KCNH8: variants seen among roughly 807,000 people sequenced by gnomAD.
KCNH8 encodes the protein potassium voltage-gated channel subfamily H member 8, also known as voltage-gated delayed rectifier potassium channel KCNH8.
Under a neutral mutation model 103.6 loss-of-function variants are expected in KCNH8, and 70 were observed. That is an observed-to-expected ratio of 0.68 (90% confidence interval 0.56 to 0.82). The LOEUF is 0.82. Among genes scored for constraint, KCNH8 ranks in the 40% least tolerant of loss-of-function variants. The pLI, the probability that KCNH8 is intolerant of heterozygous loss-of-function variation, is 0.00. For synonymous variants in KCNH8, 498 were observed against 489.4 expected, an observed-to-expected ratio of 1.02 and a Z score of -0.23; for missense variants, 1,217 against 1,329.9, an observed-to-expected ratio of 0.92 and a Z score of 1.32.
At position 19,518,004 on chromosome 3, in the gene KCNH8, A is replaced by C. The variant is rs1445598824; in HGVS notation, c.2549A>C (p.Glu850Ala). ...TATGTGTGTCACTTTTCAGATCCAG[A>C]GATTGGAGCTGCTGTTCTCTTCATC... ...PRISPPLGDP[E>A]IGAAVLFIKA... The change falls in exon 15 of 16, where the codon GAG becomes GCG. Residue 850 changes from glutamate (E) to alanine (A), a missense_variant. Around this residue, in one of 3 missense-constraint regions of KCNH8, gnomAD observed 558 missense variants for 495.8 expected, o/e 1.13. Transcript: ENST00000328405. The C allele has an allele frequency of 1.2e-5, 19 of 1,611,772 alleles. No homozygotes were observed. The highest frequency in any genetic ancestry group is 1.6e-5 in the Non-Finnish European group (19 of 1,178,518).
At chr3:19,402,467 A>G (rs1026897813) in intron 7 of KCNH8, among the ~76,000 whole-genome samples, 1 of 151,916 alleles carries the variant, frequency 6.6e-6, no homozygotes, top group Non-Finnish European at 1.5e-5. Flanking sequence ...GAGCGTAAAT[A>G]AGAGTATATG....
Position 19,533,473 on chromosome 3 carries a change from T to C in KCNH8, c.2698T>C (p.Ser900Pro), listed in dbSNP as rs201196698. Residue 900 changes from serine to proline, a missense_variant, in exon 16 of 16, where the codon TCA (serine) becomes CCA (proline). Physicochemically the swap from Ser to Pro is moderately conservative, Grantham distance 74 (BLOSUM62 -1). This residue lies in a region of KCNH8 where 558 missense variants were observed against 495.8 expected (regional missense o/e 1.13). Coordinates refer to ENST00000328405, the MANE Select transcript of KCNH8 (RefSeq NM_144633.3). ...GATCCAGCTTCTGGAAAACGTTCTG[T>C]CACCTCAGCAGCCATCACGGTTTTG... ...NVIQLLENVL[S>P]PQQPSRFCSL... The C allele has an allele frequency of 3.5e-5, 57 of 1,614,028 alleles. No individual in the cohort carries two copies. The highest frequency in any genetic ancestry group is 4.3e-5 in the Non-Finnish European group (51 of 1,180,028).
intron 7 of KCNH8, among the ~76,000 whole-genome samples, chr3:19,400,881 GA>G (rs2066603048): frequency 6.6e-6 from 1 of 151,882 alleles, no homozygotes; most frequent in African/African-American, 2.4e-5. Context: ...TTTTCCTAAA[GA>G]AGGTTGAATT....
At chr3:19,421,860 G>A (rs1241051155) in intron 7 of KCNH8, among the ~76,000 whole-genome samples, 1 of 152,024 alleles carries the variant, frequency 6.6e-6, no homozygotes, top group African/African-American at 2.4e-5. Flanking sequence ...CCTAAAGAAT[G>A]TATAATCTCA....
At chr3:19,179,677 G>C (rs1336392062) in intron 1 of KCNH8, among the ~76,000 whole-genome samples, 2 of 152,078 alleles carry the variant, frequency 1.3e-5, no homozygotes, top group Non-Finnish European at 2.9e-5. Context: ...TACAATAACA[G>C]ATAGTGTTAT....
chr3:19,306,803 A>C (rs568773801), intron 3 of KCNH8, among the ~76,000 whole-genome samples: 1 of 152,094 alleles, frequency 6.6e-6, no homozygotes, highest in Non-Finnish European at 1.5e-5. Context: ...ATGTGATATC[A>C]TATCAAGGAT....
intron 7 of KCNH8, among the ~76,000 whole-genome samples, chr3:19,400,253 A>AAAAAAC: frequency 6.6e-6 from 1 of 150,738 alleles, no homozygotes; most frequent in Non-Finnish European, 1.5e-5. Flanking sequence ...AAAAAAAAAA[A>AAAAAAC]AAGCATCATA....
chr3:19,364,759 A>G (rs2065989836), intron 5 of KCNH8, among the ~76,000 whole-genome samples: 1 of 152,108 alleles, frequency 6.6e-6, no homozygotes, highest in Non-Finnish European at 1.5e-5. Context: ...AAATTAGGTG[A>G]CTTTAAAGTA....
At chr3:19,532,322 C>A (rs989802777) in intron 15 of KCNH8, among the ~76,000 whole-genome samples, 1 of 152,136 alleles carries the variant, frequency 6.6e-6, no homozygotes, top group Non-Finnish European at 1.5e-5. Flanking sequence ...TTCACTGATG[C>A]GTTCCAGGAC....
chr3:19,515,695 T>C (rs140162976), intron 14 of KCNH8, among the ~76,000 whole-genome samples: 2 of 152,162 alleles, frequency 1.3e-5, no homozygotes, highest in African/African-American at 4.8e-5. Context: ...AAATTTCTGC[T>C]ATTCATTAGA....
At chr3:19,348,906 G>T (rs1242400399) in intron 5 of KCNH8, among the ~76,000 whole-genome samples, 2 of 147,726 alleles carry the variant, frequency 1.4e-5, no homozygotes, top group African/African-American at 5.0e-5. Flanking sequence ...TTGTTTTTTT[G>T]TGTGTTTTTT....
chr3:19,451,921 C>T (rs1216114371), intron 10 of KCNH8, among the ~76,000 whole-genome samples: 1 of 152,092 alleles, frequency 6.6e-6, no homozygotes, highest in Non-Finnish European at 1.5e-5. Context: ...CTTTTTACTT[C>T]CTTAAAGAAA....
intron 2 of KCNH8, among the ~76,000 whole-genome samples, chr3:19,272,394 G>A (rs535189200): frequency 2.4e-4 from 36 of 152,222 alleles, no homozygotes; most frequent in African/African-American, 8.7e-4. Flanking sequence ...TTACAGGAGA[G>A]TAGTTGGCTG....
rs7636882 is a variant in KCNH8 at position 19,311,020 on chromosome 3, C to T, written c.442+29691C>T. On this transcript the variant is annotated intron_variant, in intron 3 of 15. Coordinates refer to ENST00000328405, the MANE Select transcript of KCNH8 (RefSeq NM_144633.3). ...CTGCTACACTTCAGCATAGAGTGTT[C>T]CTAGCAACCAGAAGGTCACCTCCTT... 8.3e-3 allele frequency among the ~76,000 whole-genome samples: 1,256 copies of T among 151,788 alleles called. 17 individuals are homozygous for T. The highest frequency in any genetic ancestry group is 0.028 in the African/African-American group (1,151 of 41,436).
At chr3:19,170,466 G>A (rs1055673517) in intron 1 of KCNH8, among the ~76,000 whole-genome samples, 23 of 151,586 alleles carry the variant, frequency 1.5e-4, no homozygotes, top group African/African-American at 4.8e-4. Context: ...GAGTTACATA[G>A]GGAAGAGATT....
intron 5 of KCNH8, among the ~76,000 whole-genome samples, chr3:19,348,254 C>A (rs1337751081): frequency 6.6e-6 from 1 of 152,068 alleles, no homozygotes; most frequent in Non-Finnish European, 1.5e-5. Context: ...TGTACTCTCA[C>A]ATCCTTCATG....
intron 12 of KCNH8, among the ~76,000 whole-genome samples, chr3:19,511,872 C>T (rs868042445): frequency 1.3e-5 from 2 of 151,970 alleles, no homozygotes; most frequent in Admixed American, 6.6e-5. Context: ...TAAGTCACTG[C>T]AATGTTAGAT....
chr3:19,228,683 C>T (rs2063959768), intron 1 of KCNH8, among the ~76,000 whole-genome samples: 1 of 152,140 alleles, frequency 6.6e-6, no homozygotes, highest in African/African-American at 2.4e-5. Context: ...TGTGTTACGT[C>T]ACCAATATAT....
intron 7 of KCNH8, among the ~76,000 whole-genome samples, chr3:19,426,030 C>A (rs138714511): frequency 6.6e-6 from 1 of 152,158 alleles, no homozygotes; most frequent in Non-Finnish European, 1.5e-5. Context: ...GCTGTGACAA[C>A]GCAGAGAATC....
Sources: gnomAD v4.1 joint callset for allele counts (sites outside exome capture counted in the v4.1 genomes callset) on GRCh38, gnomAD v4.1.1 for gene constraint, gnomAD v4.1.1 regional missense constraint, MANE v1.5 for transcripts, NCBI Gene and HGNC (gene_info 2026-07-23, HGNC 2026-07-21) for gene names.